The following ADGRG2 variants were observed in gnomAD, a reference collection of about 807,000 sequenced individuals.
ADGRG2 encodes G protein-coupled receptor 64.
A neutral mutation model predicts 74.1 loss-of-function variants in ADGRG2; 26 were observed. That is an observed-to-expected ratio of 0.35 (90% CI 0.26 to 0.49). The LOEUF is 0.49. ADGRG2 is among the 20% of genes least tolerant of loss of function. The pLI is 0.99. For missense variants in ADGRG2, 619 were observed against 763.1 expected, an observed-to-expected ratio of 0.81 and a Z score of 2.22; for synonymous variants, 296 against 295.2, an observed-to-expected ratio of 1.00 and a Z score of -0.03.
chrX:19,073,836 G>T (rs945245446), intron 2 of ADGRG2, among the ~76,000 whole-genome samples: 1 of 111,751 alleles, frequency 8.9e-6, no homozygotes, highest in Admixed American at 9.6e-5. Flanking sequence ...TAAGAGGTAT[G>T]ATAATTGTTC....
At chrX:19,074,223 A>G (rs1405148581) in intron 2 of ADGRG2, among the ~76,000 whole-genome samples, 1 of 110,928 alleles carries the variant, frequency 9.0e-6, no homozygotes, top group Non-Finnish European at 1.9e-5. Flanking sequence ...AAATGCTAAA[A>G]GCATTTTCTT....
Position 19,013,949 on chromosome X carries a change from A to G in ADGRG2, c.836T>C (p.Phe279Ser), listed in dbSNP as rs2060411274. Residue 279 changes from phenylalanine to serine, a missense_variant, in exon 16 of 29, where the codon TTT becomes TCT. Around this residue, in one of 3 missense-constraint regions of ADGRG2, gnomAD observed 292 missense variants for 318.0 expected, o/e 0.92. Transcript: ENST00000379869. Reference protein sequence around the residue: ...VLSQVPKATSFAEPPDYSPVT... With the variant: ...VLSQVPKATSSAEPPDYSPVT... ...AGGTGAATAATCTGGAGGCTCAGCA[A>G]AAGAGGTAGCTTTGGGGACCTGGGA... The G allele has an allele frequency of 8.3e-7, 1 of 1,208,737 alleles. No individual in the cohort carries two copies. The highest frequency in any genetic ancestry group is 1.8e-5 in the South Asian group (1 of 56,681).
intron 9 of ADGRG2, among the ~76,000 whole-genome samples, chrX:19,028,564 G>A (rs1024236922): frequency 1.8e-5 from 2 of 110,677 alleles, no homozygotes; most frequent in African/African-American, 6.6e-5. Context: ...TATATGCAGG[G>A]GTGTCCACTC....
In ADGRG2 at chrX:18,995,913, G is replaced by A. The variant is rs143426653; in HGVS notation, c.2716+138C>T. On this transcript the variant is annotated intron_variant, in intron 27 of 28. Coordinates refer to ENST00000379869, the MANE Select transcript of ADGRG2 (RefSeq NM_001079858.3). ...ATTTTTTTTTCTCCCTAATGTTCAC[G>A]ATCAATATTTTCTGTTGAGCAAATT... The A allele has an allele frequency of 8.7e-3, 3,538 of 404,911 alleles. 113 individuals carry two copies. The highest frequency in any genetic ancestry group is 0.081 in the African/African-American group (3,228 of 39,714). The allele number at this position is 404,911 out of a possible 1,213,427, so 33.4% of individuals were successfully genotyped here.
At chrX:19,043,692 C>T (rs1015328840) in intron 3 of ADGRG2, among the ~76,000 whole-genome samples, 3 of 109,116 alleles carry the variant, frequency 2.7e-5, no homozygotes, top group Non-Finnish European at 5.7e-5. Context: ...CAAATGGAGC[C>T]AGACGAACTG....
In ADGRG2 at chrX:18,994,429, G is replaced by A. The variant is rs184691922; in HGVS notation, c.2869+467C>T. Among the ~76,000 whole-genome samples, 492 of 110,552 alleles carry A rather than the reference G, an allele frequency of 4.5e-3. 3 individuals are homozygous for A. Among genetic ancestry groups the A allele is most frequent in the African/African-American group, 0.015 (453 of 30,346 alleles). ...GCAGAATTGCTGGAACCCAGGAGGT[G>A]GAGGTTGCAGTGAGCTGAGATTGCA... is the stretch of plus-strand genomic sequence containing the variant. On this transcript the variant is annotated intron_variant, in intron 28 of 28. Coordinates refer to ENST00000379869, the MANE Select transcript of ADGRG2 (RefSeq NM_001079858.3).
intron 7 of ADGRG2, chrX:19,033,867 C>T (rs752009764): frequency 3.4e-6 from 1 of 295,013 alleles, no homozygotes; most frequent in South Asian, 7.1e-5. Flanking sequence ...GTTGGAGTTC[C>T]ATGTTTACGC....
intron 26 of ADGRG2, among the ~76,000 whole-genome samples, chrX:18,996,894 C>A (rs772438260): frequency 2.7e-5 from 3 of 111,519 alleles, no homozygotes; most frequent in Non-Finnish European, 3.8e-5. Context: ...TACTTAAAAA[C>A]CCCCAATCTA....
chrX:19,018,936 A>G (rs1030959646), intron 15 of ADGRG2, among the ~76,000 whole-genome samples: 12 of 111,613 alleles, frequency 1.1e-4, no homozygotes, highest in African/African-American at 3.3e-4. Flanking sequence ...TCCGCCTCCC[A>G]GGTTCATGCC....
At chrX:19,019,258 A>G (rs1381056826) in intron 15 of ADGRG2, among the ~76,000 whole-genome samples, 1 of 112,550 alleles carries the variant, frequency 8.9e-6, no homozygotes, top group Admixed American at 9.5e-5. Context: ...AAAAATGTTC[A>G]GACTCTGCCT....
intron 1 of ADGRG2, among the ~76,000 whole-genome samples, chrX:19,113,818 CAGCACTTTGGG>C (rs757185393): frequency 4.5e-5 from 5 of 111,643 alleles, no homozygotes; most frequent in Non-Finnish European, 9.4e-5. Context: ...CCTGTAATCC[CAGCACTTTGGG>C]AGACTGAGGC....
intron 8 of ADGRG2, 34 bp from the exon 9 acceptor site, chrX:19,031,071 T>C (rs2060814748): frequency 4.9e-6 from 5 of 1,021,872 alleles, no homozygotes; most frequent in East Asian, 3.0e-5. Flanking sequence ...TGGTTAAGCA[T>C]GTCAATGCCC....
intron 7 of ADGRG2, 129 bp from the exon 8 acceptor site, chrX:19,033,783 G>A (rs959368246): frequency 2.1e-5 from 8 of 384,358 alleles, no homozygotes; most frequent in East Asian, 4.4e-5. Context: ...AGACACTATC[G>A]GTCATCTCAG....
rs201439269 is a variant in ADGRG2, at chrX:19,031,112, C to T, written c.305-75G>A. 1.5e-4 allele frequency: 103 copies of T among 709,167 alleles called. No individual in the cohort carries two copies. In the African/African-American group the frequency reaches 1.6e-3, roughly 11 times the overall value. 58.4% of individuals were successfully genotyped at this position (709,167 alleles called of 1,213,427 possible). A position where few individuals can be genotyped will look rare whatever the true frequency, so the allele number is the denominator to read the frequency against. ...TATGTGCTGCATTGTCAAGAGAATT[C>T]ATAAACGTAGGCATCAAATGTGGAC... On this transcript the variant is annotated intron_variant, in intron 8 of 28. Transcript: ENST00000379869.
chrX:19,020,471 G>A (rs1441679156), intron 14 of ADGRG2, among the ~76,000 whole-genome samples: 1 of 111,254 alleles, frequency 9.0e-6, no homozygotes, highest in Non-Finnish European at 1.9e-5. Context: ...TTAGCGGGGA[G>A]GGAGAGCATT....
chrX:19,074,401 G>GCCTCA (rs1442700274), intron 2 of ADGRG2, among the ~76,000 whole-genome samples: 5 of 61,844 alleles, frequency 8.1e-5, no homozygotes, highest in Admixed American at 3.9e-4. Context: ...CACCATGCCT[G>GCCTCA]GCTAATTTTT....
chrX:19,008,195 G>T, intron 18 of ADGRG2, 72 bp from the exon 19 acceptor site: 2 of 802,415 alleles, frequency 2.5e-6, no homozygotes, highest in Non-Finnish European at 1.8e-6. Flanking sequence ...CATCTATTAA[G>T]TTGGTGCAAA....
chrX:19,049,628 A>AT (rs1215566484), intron 3 of ADGRG2, among the ~76,000 whole-genome samples: 2,471 of 100,796 alleles, frequency 0.025, 55 homozygotes, highest in African/African-American at 0.073. Flanking sequence ...TTTTTTTGTG[A>AT]TTTTTTTTTT....
chrX:19,115,236 C>T (rs183772661), intron 1 of ADGRG2, among the ~76,000 whole-genome samples: 39 of 111,243 alleles, frequency 3.5e-4, no homozygotes, highest in Admixed American at 2.3e-3. Flanking sequence ...CTCATTCATT[C>T]GGTCATTTGA....
Sources: gnomAD v4.1 joint callset for allele counts (sites outside exome capture counted in the v4.1 genomes callset) on GRCh38, gnomAD v4.1.1 for gene constraint, gnomAD v4.1.1 regional missense constraint, MANE v1.5 for transcripts, NCBI Gene and HGNC (gene_info 2026-07-23, HGNC 2026-07-21) for gene names.